The following ANO1 variants were observed in gnomAD, a reference collection of about 807,000 sequenced individuals.
The protein encoded by ANO1 is anoctamin-1.
Under a neutral mutation model 124.0 loss-of-function variants are expected in ANO1, and 59 were observed. That is an observed-to-expected ratio of 0.48 (90% CI 0.39 to 0.59). The LOEUF is 0.59. Ranked by LOEUF, ANO1 falls within the 20% of genes least tolerant of loss-of-function variation. The pLI is 0.00. For synonymous variants in ANO1, 529 were observed against 532.0 expected, an observed-to-expected ratio of 0.99 and a Z score of 0.08; for missense variants, 1,059 against 1,328.0, an observed-to-expected ratio of 0.80 and a Z score of 3.15.
At chr11:70,152,215 A>G (rs2047628358) in intron 12 of ANO1, among the ~76,000 whole-genome samples, 1 of 151,586 alleles carries the variant, frequency 6.6e-6, no homozygotes, top group African/African-American at 2.4e-5. Flanking sequence ...GGGCGCCTGT[A>G]TCCCAGCTAC....
At chr11:70,033,581 T>TA (rs1378707149) in intron 1 of ANO1, among the ~76,000 whole-genome samples, 1 of 152,116 alleles carries the variant, frequency 6.6e-6, no homozygotes, top group Non-Finnish European at 1.5e-5. Context: ...GCCTTATGGT[T>TA]AGCACATGCC....
chr11:70,154,450 G>A (rs1484497197), intron 14 of ANO1, among the ~76,000 whole-genome samples: 1 of 149,294 alleles, frequency 6.7e-6, no homozygotes. Context: ...TAGCCAGGAA[G>A]GAAGTATGTC....
intron 1 of ANO1, among the ~76,000 whole-genome samples, chr11:69,992,186 G>A (rs1856167915): frequency 6.6e-6 from 1 of 151,726 alleles, no homozygotes. Flanking sequence ...TGGATGGATA[G>A]TAGGTGAATG....
At chr11:69,978,319 G>A in the ANO1 span, among the ~76,000 whole-genome samples, 3 of 152,052 alleles carry the variant, frequency 2.0e-5, no homozygotes, top group African/African-American at 7.2e-5. Flanking sequence ...CTGGGTGCCT[G>A]CAGGCTACCT....
At chr11:70,111,602 G>GAGC in intron 6 of ANO1, 105 bp from the exon 7 acceptor site, 1 of 1,123,716 alleles carries the variant, frequency 8.9e-7, no homozygotes, top group East Asian at 2.4e-5. Flanking sequence ...GTTTCATTTT[G>GAGC]AGAAGCTCTT....
At chr11:70,029,704 C>A (rs1555003607) in intron 1 of ANO1, among the ~76,000 whole-genome samples, 1 of 152,198 alleles carries the variant, frequency 6.6e-6, no homozygotes, top group East Asian at 1.9e-4. Flanking sequence ...GAAATGTGTT[C>A]TCCCACGGTT....
At chr11:70,163,805 G>A (rs1337658319) in intron 19 of ANO1, among the ~76,000 whole-genome samples, 2 of 152,048 alleles carry the variant, frequency 1.3e-5, no homozygotes, top group East Asian at 1.9e-4. Context: ...GGGTGTGGTG[G>A]TGCATGCCTG....
chr11:69,988,932 GGAAGGAAGGAAA>G (rs1554997162), intron 1 of ANO1, among the ~76,000 whole-genome samples: 5 of 150,438 alleles, frequency 3.3e-5, no homozygotes, highest in African/African-American at 1.2e-4. Flanking sequence ...GAAGGAATGA[GGAAGGAAGGAAA>G]GAAGGAAGGA....
intron 11 of ANO1, among the ~76,000 whole-genome samples, chr11:70,138,671 C>A (rs1245691997): frequency 1.3e-5 from 2 of 152,198 alleles, no homozygotes; most frequent in Admixed American, 6.5e-5. Context: ...ACTAGGGCAA[C>A]CTTCCCAAAC....
intron 7 of ANO1, among the ~76,000 whole-genome samples, chr11:70,112,955 G>A (rs564907606): frequency 6.6e-6 from 1 of 152,332 alleles, no homozygotes; most frequent in East Asian, 1.9e-4. Flanking sequence ...CCAGACGGTT[G>A]ACCCCAAGGG....
At chr11:70,116,846 C>T (rs1327752386) in intron 8 of ANO1, among the ~76,000 whole-genome samples, 4 of 152,204 alleles carry the variant, frequency 2.6e-5, no homozygotes, top group Admixed American at 6.5e-5. Flanking sequence ...CTCCAGCAGT[C>T]CTTGCTGGCA....
chr11:70,183,063 C>T (rs894320136), intron 24 of ANO1, among the ~76,000 whole-genome samples: 1 of 152,130 alleles, frequency 6.6e-6, no homozygotes, highest in Non-Finnish European at 1.5e-5. Context: ...GAGCTATGAT[C>T]GCACCACTGC....
chr11:70,119,905 G>A (rs562998306), intron 8 of ANO1, among the ~76,000 whole-genome samples: 1 of 152,180 alleles, frequency 6.6e-6, no homozygotes, highest in South Asian at 2.1e-4. Context: ...GTGGGTAGAT[G>A]GATGATGGAA....
upstream of ANO1, among the ~76,000 whole-genome samples, chr11:69,981,368 A>G (rs1855958027): frequency 6.6e-6 from 1 of 152,206 alleles, no homozygotes; most frequent in African/African-American, 2.4e-5. Context: ...TACTACGTAG[A>G]CTTGCTGCAC....
At chr11:70,124,201 A>T in intron 8 of ANO1, 149 bp from the exon 9 acceptor site, 4 of 683,404 alleles carry the variant, frequency 5.9e-6, no homozygotes, top group Non-Finnish European at 1.0e-5. Flanking sequence ...TCCCATCCCC[A>T]CGTTCACAGC....
At chr11:70,176,155 A>G (rs1590929429) in intron 22 of ANO1, among the ~76,000 whole-genome samples, 1 of 120,952 alleles carries the variant, frequency 8.3e-6, no homozygotes, top group Non-Finnish European at 1.6e-5. Context: ...ATATATATAC[A>G]CTTTTTTTTT....
At chr11:70,095,057 T>C (rs754971537) in intron 2 of ANO1, among the ~76,000 whole-genome samples, 5 of 151,856 alleles carry the variant, frequency 3.3e-5, no homozygotes, top group Admixed American at 3.3e-4. Flanking sequence ...AATACAAAAA[T>C]TAGCCGGGCG....
chr11:70,160,822 G>A (rs1210861555), intron 16 of ANO1, among the ~76,000 whole-genome samples: 1 of 152,226 alleles, frequency 6.6e-6, no homozygotes, highest in Non-Finnish European at 1.5e-5. Context: ...TGGGCTCCGG[G>A]AAGATGGTAG....
the ANO1 span, among the ~76,000 whole-genome samples, chr11:69,975,435 C>T: frequency 6.6e-6 from 1 of 152,220 alleles, no homozygotes; most frequent in Non-Finnish European, 1.5e-5. Context: ...CTCTCACTGT[C>T]TTTGAAGCGG....
Sources: allele counts gnomAD v4.1 joint callset (sites outside exome capture counted in the v4.1 genomes callset), GRCh38; gene constraint gnomAD v4.1.1; transcripts MANE v1.5; gene names NCBI Gene and HGNC (gene_info 2026-07-23, HGNC 2026-07-21).